SPATA16: variants seen among roughly 807,000 people sequenced by gnomAD.
SPATA16 encodes spermatogenesis-associated protein 16.
A neutral mutation model predicts 63.3 loss-of-function variants in SPATA16; 36 were observed. The observed-to-expected ratio is 0.57, with a 90% CI of 0.44 to 0.75. The LOEUF is 0.75. SPATA16 is among the 30% of genes least tolerant of loss of function. The pLI is 0.00. For missense variants in SPATA16, 646 were observed against 679.3 expected (o/e 0.95, Z 0.54); for synonymous variants, 203 against 216.7 (o/e 0.94, Z 0.56).
In SPATA16 at chr3:173,036,321, G is replaced by T. The variant is rs953230006; in HGVS notation, c.758+12628C>A. On this transcript the variant is annotated intron_variant, in intron 3 of 10. Transcript: ENST00000351008. ...CTTTCAAGCAAAAATTAGTATTTTG[G>T]AAAACTTATATCTGTCACTGCGAGC... 3.9e-5 allele frequency among the ~76,000 whole-genome samples: 6 copies of T among 151,950 alleles called. No individual in the cohort carries two copies. In the East Asian group the frequency reaches 1.2e-3, roughly 29 times the overall value.
chr3:172,912,066 C>T (rs1732381273), intron 10 of SPATA16, among the ~76,000 whole-genome samples: 1 of 152,198 alleles, frequency 6.6e-6, no homozygotes, highest in Non-Finnish European at 1.5e-5. Flanking sequence ...TTTGAAATAT[C>T]TTCTGTACGT....
At chr3:173,001,348 G>C (rs1372896684) in intron 4 of SPATA16, among the ~76,000 whole-genome samples, 4 of 150,018 alleles carry the variant, frequency 2.7e-5, no homozygotes, top group Non-Finnish European at 5.9e-5. Context: ...CTTCTCTCAG[G>C]TAAATTAGGT....
At chr3:173,006,976 C>G (rs937433108) in intron 4 of SPATA16, among the ~76,000 whole-genome samples, 3 of 152,172 alleles carry the variant, frequency 2.0e-5, no homozygotes, top group Non-Finnish European at 2.9e-5. Context: ...TGTGTCTCGT[C>G]TTAGGCTAGC....
intron 2 of SPATA16, among the ~76,000 whole-genome samples, chr3:173,089,288 G>A (rs140237416): frequency 3.9e-5 from 6 of 152,320 alleles, no homozygotes; most frequent in East Asian, 3.9e-4. Context: ...GAAGACATGC[G>A]TCCTCTGTGG....
intron 4 of SPATA16, among the ~76,000 whole-genome samples, chr3:172,979,478 T>C (rs1734248349): frequency 6.6e-6 from 1 of 152,150 alleles, no homozygotes; most frequent in African/African-American, 2.4e-5. Flanking sequence ...AGAATTTTTA[T>C]AATGTTAGTT....
intron 2 of SPATA16, among the ~76,000 whole-genome samples, chr3:173,102,607 A>G (rs1444948037): frequency 1.3e-5 from 2 of 152,134 alleles, no homozygotes; most frequent in Non-Finnish European, 2.9e-5. Context: ...GACAGCACCA[A>G]TCCTTGAGGG....
intron 6 of SPATA16, among the ~76,000 whole-genome samples, chr3:172,938,405 T>C (rs1733062324): frequency 6.6e-6 from 1 of 152,078 alleles, no homozygotes; most frequent in African/African-American, 2.4e-5. Context: ...AAGCTTTAGA[T>C]GGTTATTAAG....
intron 6 of SPATA16, among the ~76,000 whole-genome samples, chr3:172,932,898 G>T (rs1732902546): frequency 6.6e-6 from 1 of 152,016 alleles, no homozygotes. Context: ...ACTTCAGGCT[G>T]GTGGTCTACT....
intron 10 of SPATA16, among the ~76,000 whole-genome samples, chr3:172,890,748 G>GTT (rs566747383): frequency 2.1e-4 from 30 of 140,498 alleles, no homozygotes; most frequent in African/African-American, 5.9e-4. Context: ...ATGGTCCACT[G>GTT]TTTTTTTTTT....
At chr3:173,037,277 T>C (rs967788413) in intron 3 of SPATA16, among the ~76,000 whole-genome samples, 1 of 152,074 alleles carries the variant, frequency 6.6e-6, no homozygotes, top group African/African-American at 2.4e-5. Flanking sequence ...GACTTCTCGA[T>C]GTTATTTTCA....
At chr3:172,928,332 T>G (rs2109582910) in intron 6 of SPATA16, among the ~76,000 whole-genome samples, 1 of 152,358 alleles carries the variant, frequency 6.6e-6, no homozygotes, top group East Asian at 1.9e-4. Flanking sequence ...AGGAAGTTTC[T>G]TTGCTTTTGA....
At chr3:172,958,467 C>T (rs376111479) in intron 5 of SPATA16, among the ~76,000 whole-genome samples, 16 of 152,266 alleles carry the variant, frequency 1.1e-4, no homozygotes, top group Middle Eastern at 6.8e-3. Context: ...GACCATCAAG[C>T]GCGTGGTTGC....
Position 172,895,664 on chromosome 3 carries a change from T to A in SPATA16, c.1588-5972A>T, listed in dbSNP as rs559987435. 7.6e-4 allele frequency among the ~76,000 whole-genome samples: 115 copies of A among 152,274 alleles called. 1 individual carries two copies. The highest frequency in any genetic ancestry group is 1.6e-3 in the Non-Finnish European group (106 of 68,018). ...TTCTTCATTTATATAATTTTGTTAT[T>A]GCAAGAAGTTTATCTAAATGGAATC... On this transcript the variant is annotated intron_variant, in intron 10 of 10. Coordinates refer to ENST00000351008, the MANE Select transcript of SPATA16 (RefSeq NM_031955.6).
chr3:173,042,365 C>A (rs1394960383), intron 3 of SPATA16, among the ~76,000 whole-genome samples: 1 of 152,044 alleles, frequency 6.6e-6, no homozygotes, highest in African/African-American at 2.4e-5. Flanking sequence ...GGGACTGTTA[C>A]AGGTGTGTGC....
intron 2 of SPATA16, among the ~76,000 whole-genome samples, chr3:173,051,097 A>T (rs1736079047): frequency 6.6e-6 from 1 of 152,258 alleles, no homozygotes; most frequent in Non-Finnish European, 1.5e-5. Flanking sequence ...TTTTTATATG[A>T]CATGACTATA....
At chr3:172,909,054 T>C (rs1037286307) in intron 10 of SPATA16, among the ~76,000 whole-genome samples, 8 of 152,174 alleles carry the variant, frequency 5.3e-5, no homozygotes, top group African/African-American at 1.9e-4. Context: ...GTGATGATCA[T>C]TATCAGGACT....
intron 2 of SPATA16, among the ~76,000 whole-genome samples, chr3:173,085,696 C>G (rs892772435): frequency 2.0e-5 from 3 of 151,884 alleles, no homozygotes; most frequent in African/African-American, 7.3e-5. Flanking sequence ...TCCTTGAACA[C>G]CTAGTTTATT....
intron 2 of SPATA16, among the ~76,000 whole-genome samples, chr3:173,058,997 T>C (rs1182438680): frequency 2.0e-5 from 3 of 152,082 alleles, no homozygotes. Flanking sequence ...TGTTAATTTA[T>C]ATTTTTCTAG....
chr3:173,086,881 G>T (rs999517885), intron 2 of SPATA16, among the ~76,000 whole-genome samples: 2 of 152,146 alleles, frequency 1.3e-5, no homozygotes, highest in Admixed American at 1.3e-4. Context: ...TAATTTGATT[G>T]TGCTGTGGTC....
Sources: allele counts gnomAD v4.1 joint callset (sites outside exome capture counted in the v4.1 genomes callset), GRCh38; gene constraint gnomAD v4.1.1; transcripts MANE v1.5; gene names NCBI Gene and HGNC (gene_info 2026-07-23, HGNC 2026-07-21).